RP1: variants seen among roughly 807,000 people sequenced by gnomAD.
RP1 encodes RP1 axonemal microtubule associated.
A neutral mutation model predicts 14.8 loss-of-function variants in RP1; 16 were observed. The ratio of observed to expected loss-of-function variants is 1.08; its 90% CI spans 0.73 to 1.65. The LOEUF is 1.65. RP1 is among the 40% of genes most tolerant of loss of function. The probability of loss-of-function intolerance (pLI) is 0.00; values close to 1 mark genes in which losing one functional copy is unlikely to be tolerated. For synonymous variants in RP1, 876 were observed against 883.6 expected, an observed-to-expected ratio of 0.99 and a Z score of 0.15; for missense variants, 2,631 against 2,535.0, an observed-to-expected ratio of 1.04 and a Z score of -0.81.
At chr8:54,832,658 G>A (rs996319612) in intron 24 of RP1, among the ~76,000 whole-genome samples, 12 of 151,244 alleles carry the variant, frequency 7.9e-5, no homozygotes, top group South Asian at 4.2e-4. Context: ...TTGTTCATAC[G>A]TCTAGTAATT....
intron 1 of RP1, among the ~76,000 whole-genome samples, chr8:54,607,205 C>T (rs113658689): frequency 0.022 from 3,371 of 152,200 alleles, 121 homozygotes; most frequent in African/African-American, 0.073. Context: ...ATAATGGTGA[C>T]AAACAGATGG....
intron 25 of RP1, among the ~76,000 whole-genome samples, chr8:54,849,860 TA>T (rs1330483071): frequency 6.6e-6 from 1 of 151,762 alleles, no homozygotes; most frequent in East Asian, 1.9e-4. Context: ...TAATAAATAA[TA>T]AAAAAATAAA....
chr8:54,736,706 C>T (rs1041127379), intron 18 of RP1, among the ~76,000 whole-genome samples: 2 of 152,076 alleles, frequency 1.3e-5, no homozygotes, highest in African/African-American at 4.8e-5. Context: ...CATGGAAGCC[C>T]CCAGGAGTGT....
intron 22 of RP1, among the ~76,000 whole-genome samples, chr8:54,766,905 T>G (rs1809773778): frequency 2.0e-5 from 3 of 152,174 alleles, no homozygotes; most frequent in African/African-American, 7.2e-5. Context: ...GTGCTTGCTT[T>G]TTATTCCATT....
rs763606957 is a variant in RP1, at chr8:54,628,227, G to A, written c.4345G>A (p.Gly1449Ser). Residue 1449 changes from glycine (G) to serine (S), a missense_variant, in exon 4 of 4, where the codon GGC becomes AGC. Gly to Ser is a moderately conservative substitution (Grantham distance 56). Transcript: ENST00000220676. ...MEEPRTSEEP[G>S]SITNSMTSSE... ...AGAACCACGGACTTCTGAAGAACCA[G>A]GCTCAATAACCAACAGCATGACATC... is the stretch of plus-strand genomic sequence containing the variant. The A allele has an allele frequency of 1.1e-5, 17 of 1,613,804 alleles. No homozygotes were observed. In the South Asian group the frequency reaches 1.8e-4, roughly 17 times the overall value.
intron 20 of RP1, among the ~76,000 whole-genome samples, chr8:54,755,287 T>G (rs1809473499): frequency 6.6e-6 from 1 of 152,190 alleles, no homozygotes; most frequent in Admixed American, 6.5e-5. Context: ...TTAAACATAA[T>G]GTACAATAAC....
At chr8:54,565,163 G>A (rs1180274122) in intron 1 of RP1, among the ~76,000 whole-genome samples, 1 of 152,190 alleles carries the variant, frequency 6.6e-6, no homozygotes, top group Admixed American at 6.5e-5. Flanking sequence ...TGTGGGGCAT[G>A]TGCTCTTAGG....
At chr8:54,614,950 T>C (rs1201980425), upstream of RP1, among the ~76,000 whole-genome samples, 1 of 152,202 alleles carries the variant, frequency 6.6e-6, no homozygotes, top group Non-Finnish European at 1.5e-5. Context: ...CATTAGTCCT[T>C]AGCTATTTAA....
intron 26 of RP1, among the ~76,000 whole-genome samples, chr8:54,855,931 CTA>C (rs1491511541): frequency 2.9e-4 from 32 of 108,614 alleles, no homozygotes; most frequent in South Asian, 1.1e-3. Context: ...GTGAGACTTA[CTA>C]TACACACACA....
intron 6 of RP1, among the ~76,000 whole-genome samples, chr8:54,656,769 C>T (rs1033185002): frequency 3.3e-5 from 5 of 150,114 alleles, no homozygotes; most frequent in Admixed American, 2.0e-4. Context: ...GAACCATTTG[C>T]TCTTGGGTCT....
At chr8:54,690,225 A>C (rs1807678277) in intron 12 of RP1, among the ~76,000 whole-genome samples, 1 of 152,018 alleles carries the variant, frequency 6.6e-6, no homozygotes, top group South Asian at 2.1e-4. Flanking sequence ...GTCATTGCTA[A>C]TAGTTAATCA....
downstream of RP1, among the ~76,000 whole-genome samples, chr8:54,772,956 A>G (rs1377577151): frequency 2.0e-5 from 3 of 152,082 alleles, no homozygotes; most frequent in Non-Finnish European, 2.9e-5. Flanking sequence ...TATATTTCAT[A>G]TTACTCTTTT....
At chr8:54,610,507 A>G (rs57863150) in intron 1 of RP1, among the ~76,000 whole-genome samples, 2 of 152,320 alleles carry the variant, frequency 1.3e-5, no homozygotes, top group East Asian at 3.9e-4. Flanking sequence ...TAGTATACTT[A>G]AGAATCTTCA....
chr8:54,797,107 C>A (rs1324955530), intron 24 of RP1, among the ~76,000 whole-genome samples: 6 of 152,034 alleles, frequency 3.9e-5, no homozygotes. Context: ...AAAAATTATC[C>A]ATTTTTGCAT....
At chr8:54,607,316 C>T (rs1426476721) in intron 1 of RP1, among the ~76,000 whole-genome samples, 8 of 152,204 alleles carry the variant, frequency 5.3e-5, no homozygotes, top group Non-Finnish European at 8.8e-5. Flanking sequence ...CCACTCCAGA[C>T]CCTGTTTGCC....
intron 18 of RP1, among the ~76,000 whole-genome samples, chr8:54,734,963 CT>C (rs150985819): frequency 0.028 from 4,335 of 152,156 alleles, 120 homozygotes; most frequent in African/African-American, 0.063. Flanking sequence ...AATTTGCTTT[CT>C]TTAAAGACAG....
intron 1 of RP1, among the ~76,000 whole-genome samples, chr8:54,610,169 C>T (rs1257740337): frequency 1.3e-5 from 2 of 152,230 alleles, no homozygotes; most frequent in East Asian, 1.9e-4. Flanking sequence ...CTTCTCAGCA[C>T]TCCTCTTACT....
At chr8:54,812,803 A>G (rs989655085) in intron 24 of RP1, among the ~76,000 whole-genome samples, 1 of 147,130 alleles carries the variant, frequency 6.8e-6, no homozygotes, top group Non-Finnish European at 1.5e-5. Flanking sequence ...CTATCTATCT[A>G]TCTATCTCTC....
chr8:54,740,347 G>A (rs1008596299), intron 19 of RP1, among the ~76,000 whole-genome samples: 6 of 145,572 alleles, frequency 4.1e-5, no homozygotes, highest in Non-Finnish European at 6.0e-5. Context: ...ACATTGTGCA[G>A]GCCTAGGCGA....
Sources: allele counts gnomAD v4.1 joint callset (sites outside exome capture counted in the v4.1 genomes callset), GRCh38; gene constraint gnomAD v4.1.1; transcripts MANE v1.5; gene names NCBI Gene and HGNC (gene_info 2026-07-23, HGNC 2026-07-21).